VSTM1: variants seen among roughly 807,000 people sequenced by gnomAD.
The protein encoded by VSTM1 is V-set and transmembrane domain-containing protein 1.
A neutral mutation model predicts 33.1 loss-of-function variants in VSTM1; 27 were observed. The observed-to-expected ratio is 0.82, with a 90% CI of 0.60 to 1.12. The LOEUF (loss-of-function observed/expected upper bound fraction) is 1.12. Among genes scored for constraint, VSTM1 ranks in the 50% most tolerant of loss-of-function variants. The pLI is 0.00. For missense variants in VSTM1, 304 were observed against 288.9 expected (o/e 1.05, Z -0.38); for synonymous variants, 115 against 110.3 (o/e 1.04, Z -0.27).
At chr19:54,051,607 A>C (rs1197354304) in intron 3 of VSTM1, among the ~76,000 whole-genome samples, 159 bp from the exon 4 acceptor site, 1 of 152,152 alleles carries the variant, frequency 6.6e-6, no homozygotes, top group Non-Finnish European at 1.5e-5. Context: ...TCCTCAGAGC[A>C]TGGACAGAGC....
chr19:54,043,622 C>G (rs1024376305), intron 4 of VSTM1, among the ~76,000 whole-genome samples: 6 of 151,988 alleles, frequency 3.9e-5, no homozygotes. Flanking sequence ...ATGTTGGCCA[C>G]GCTGGTCTTG....
chr19:54,045,828 C>T (rs939851907), intron 4 of VSTM1, among the ~76,000 whole-genome samples: 2 of 152,038 alleles, frequency 1.3e-5, no homozygotes, highest in Non-Finnish European at 2.9e-5. Context: ...TACCTAGTTA[C>T]CTATCATCTA....
At chr19:54,042,592 T>C (rs1326655329) in intron 4 of VSTM1, among the ~76,000 whole-genome samples, 3 of 151,546 alleles carry the variant, frequency 2.0e-5, no homozygotes, top group Non-Finnish European at 4.4e-5. Context: ...AGCTACTTTA[T>C]TGGATGGTGG....
At chr19:54,063,054 G>A (rs571613739) in intron 1 of VSTM1, among the ~76,000 whole-genome samples, 6 of 152,088 alleles carry the variant, frequency 3.9e-5, no homozygotes, top group South Asian at 2.1e-4. Flanking sequence ...TTGTCTTCTT[G>A]GGGCCAGGTG....
At chr19:54,043,432 A>G (rs1286343522) in intron 4 of VSTM1, among the ~76,000 whole-genome samples, 1 of 149,772 alleles carries the variant, frequency 6.7e-6, no homozygotes, top group Admixed American at 6.7e-5. Context: ...TTTTTTTGAG[A>G]CAAAGTCTCA....
At chr19:54,052,787 C>T (rs1159519125) in intron 3 of VSTM1, 1 of 142,476 alleles carries the variant, frequency 7.0e-6, no homozygotes, top group Admixed American at 7.3e-5. Context: ...GCCTGAAACG[C>T]ACCAACTCTT....
chr19:54,055,218 T>G (rs1267468920), intron 3 of VSTM1, among the ~76,000 whole-genome samples: 1 of 140,546 alleles, frequency 7.1e-6, no homozygotes, highest in Non-Finnish European at 1.6e-5. Flanking sequence ...TTATTTGCCA[T>G]TCCTACATCC....
intron 3 of VSTM1, 47 bp from the exon 4 acceptor site, chr19:54,051,495 A>G: frequency 2.6e-6 from 4 of 1,518,378 alleles, no homozygotes; most frequent in Non-Finnish European, 3.6e-6. Flanking sequence ...TCATACAGGA[A>G]CCTTGGGGAC....
intron 4 of VSTM1, among the ~76,000 whole-genome samples, chr19:54,045,480 C>T (rs1485433292): frequency 6.6e-6 from 1 of 151,920 alleles, no homozygotes; most frequent in Admixed American, 6.6e-5. Flanking sequence ...TGTCTATCCA[C>T]CTGCTTACCT....
chr19:54,053,989 G>C (rs982280578), intron 3 of VSTM1, among the ~76,000 whole-genome samples: 1 of 142,044 alleles, frequency 7.0e-6, no homozygotes. Context: ...TGAATGGGCA[G>C]CTATTTTTGT....
At chr19:54,041,456 C>T (rs146170601) in intron 8 of VSTM1, among the ~76,000 whole-genome samples, 7,822 of 152,046 alleles carry the variant, frequency 0.051, 283 homozygotes, top group Admixed American at 0.099. Context: ...CGCCCACTAC[C>T]ACGCCCAGCT....
intron 4 of VSTM1, 146 bp downstream of exon 4, chr19:54,051,264 C>A (rs999706344): frequency 6.0e-5 from 46 of 765,068 alleles, no homozygotes; most frequent in Non-Finnish European, 8.9e-5. Context: ...TGTACTCCAG[C>A]CTTGGTGACA....
intron 4 of VSTM1, among the ~76,000 whole-genome samples, chr19:54,045,441 A>G (rs547178540): frequency 1.3e-5 from 2 of 152,192 alleles, no homozygotes; most frequent in Admixed American, 1.3e-4. Flanking sequence ...TCTATCACTT[A>G]TCTAGGCATC....
chr19:54,040,926 T>TC lies in VSTM1; in HGVS notation c.*34dup. ...TTTCCGATAACCTTGGCCAGCACGA[T>TC]CCCCCCTCCTTTAGTGGCCAGGGCT... On this transcript the variant is annotated 3_prime_UTR_variant, in exon 9 of 9. Coordinates refer to ENST00000338372, the MANE Select transcript of VSTM1 (RefSeq NM_198481.4). The TC allele has an allele frequency of 1.9e-6, 3 of 1,602,786 alleles. No homozygotes were observed. Among genetic ancestry groups the TC allele is most frequent in the South Asian group, 1.1e-5 (1 of 90,012 alleles).
At chr19:54,044,145 G>C (rs1363605206) in intron 4 of VSTM1, among the ~76,000 whole-genome samples, 1 of 152,176 alleles carries the variant, frequency 6.6e-6, no homozygotes, top group African/African-American at 2.4e-5. Context: ...AAGGCGTTTA[G>C]AGTGGGGAGG....
chr19:54,063,326 A>G (rs1399107475), intron 1 of VSTM1, among the ~76,000 whole-genome samples: 2 of 152,158 alleles, frequency 1.3e-5, no homozygotes, highest in Admixed American at 1.3e-4. Flanking sequence ...CTACAGAGTG[A>G]GACTCTGTCT....
intron 3 of VSTM1, among the ~76,000 whole-genome samples, chr19:54,054,848 A>AATGGATGGATGGATGG (rs74177847): frequency 8.0e-6 from 1 of 125,284 alleles, no homozygotes. Flanking sequence ...TGGATAGATG[A>AATGGATGGATGGATGG]ATGGATGGAT....
At chr19:54,054,680 TG>T (rs1228349305) in intron 3 of VSTM1, among the ~76,000 whole-genome samples, 1 of 139,306 alleles carries the variant, frequency 7.2e-6, no homozygotes, top group African/African-American at 2.7e-5. Context: ...GATAGGTGGG[TG>T]GGGGTGAGTG....
intron 1 of VSTM1, among the ~76,000 whole-genome samples, chr19:54,059,137 T>G: frequency 6.7e-6 from 1 of 149,758 alleles, no homozygotes; most frequent in Non-Finnish European, 1.5e-5. Flanking sequence ...CTCAGTTCAC[T>G]GCAACCTCCG....
Sources: gnomAD v4.1 joint callset for allele counts (sites outside exome capture counted in the v4.1 genomes callset) on GRCh38, gnomAD v4.1.1 for gene constraint, MANE v1.5 for transcripts, NCBI Gene and HGNC (gene_info 2026-07-23, HGNC 2026-07-21) for gene names.